The following BANK1 variants were observed in gnomAD, a reference collection of about 807,000 sequenced individuals.
BANK1 encodes B-cell scaffold protein with ankyrin repeats.
BANK1 carries 95 observed loss-of-function variants against 94.5 expected under a neutral mutation model. The observed-to-expected ratio is 1.00, with a 90% CI of 0.85 to 1.19. The LOEUF (loss-of-function observed/expected upper bound fraction) is 1.19. Among genes scored for constraint, BANK1 ranks in the 50% most tolerant of loss-of-function variants. The pLI, the probability that BANK1 is intolerant of heterozygous loss-of-function variation, is 0.00. For missense variants in BANK1, 987 were observed against 932.2 expected, an observed-to-expected ratio of 1.06 and a Z score of -0.77; for synonymous variants, 334 against 308.4, an observed-to-expected ratio of 1.08 and a Z score of -0.87.
chr4:101,923,363 A>G lies in BANK1; in HGVS notation c.1206+5174A>G, dbSNP rs188347945. On this transcript the variant is annotated intron_variant, in intron 7 of 16. Transcript: ENST00000322953. ...TATTGTTTAAAGACTATATATATATATGTGTGTGTGTGTGTGCTTTGCATT... is the reference window on the plus strand; with the variant it reads ...TATTGTTTAAAGACTATATATATATGTGTGTGTGTGTGTGTGCTTTGCATT... Among the ~76,000 whole-genome samples, 797 of 150,972 alleles carry G rather than the reference A, an allele frequency of 5.3e-3. 11 individuals carry two copies. The highest frequency in any genetic ancestry group is 0.016 in the African/African-American group (643 of 41,284).
At chr4:101,874,037 C>A (rs573065593) in intron 5 of BANK1, among the ~76,000 whole-genome samples, 1 of 152,022 alleles carries the variant, frequency 6.6e-6, no homozygotes, top group Admixed American at 6.6e-5. Context: ...GAAATGACAC[C>A]AAATAATTCT....
At chr4:101,890,821 T>A (rs1201068703) in intron 5 of BANK1, among the ~76,000 whole-genome samples, 1 of 151,524 alleles carries the variant, frequency 6.6e-6, no homozygotes, top group African/African-American at 2.4e-5. Flanking sequence ...GCACAACTTT[T>A]TAAGTTGTTG....
rs527983911 is a variant in BANK1, at chr4:102,047,474, C to G, written c.1969+3567C>G. On this transcript the variant is annotated intron_variant, in intron 11 of 16. Transcript: ENST00000322953. ...TTATCCTCCCACTGTGCCTTTAGCTCTCTCAAGAAATAAATGCAAAGCTAC... is the reference window on the plus strand; with the variant it reads ...TTATCCTCCCACTGTGCCTTTAGCTGTCTCAAGAAATAAATGCAAAGCTAC... 5.3e-5 allele frequency among the ~76,000 whole-genome samples: 8 copies of G among 152,180 alleles called. 1 individual carries two copies. The highest frequency in any genetic ancestry group is 3.9e-4 in the Admixed American group (6 of 15,272).
chr4:101,828,383 T>TTATATATATA (rs60877981), intron 1 of BANK1, among the ~76,000 whole-genome samples: 20 of 142,178 alleles, frequency 1.4e-4, no homozygotes, highest in East Asian at 1.0e-3. Flanking sequence ...ATGAGTGAAT[T>TTATATATATA]TATATATATA....
chr4:101,957,781 T>C (rs959122973), intron 7 of BANK1, among the ~76,000 whole-genome samples: 1 of 152,142 alleles, frequency 6.6e-6, no homozygotes, highest in Non-Finnish European at 1.5e-5. Context: ...CCACTCTGTG[T>C]TTGTGAAAAC....
At chr4:101,822,950 A>C (rs1726230428) in intron 1 of BANK1, among the ~76,000 whole-genome samples, 1 of 152,064 alleles carries the variant, frequency 6.6e-6, no homozygotes, top group African/African-American at 2.4e-5. Context: ...CATTGATGGT[A>C]TTTAGGTTGA....
chr4:101,959,867 A>G (rs894285076), intron 7 of BANK1, among the ~76,000 whole-genome samples: 2 of 152,220 alleles, frequency 1.3e-5, no homozygotes, highest in African/African-American at 2.4e-5. Flanking sequence ...TTAAGTTGTC[A>G]GAGAATTTAA....
chr4:101,870,443 G>T (rs1373432034), intron 4 of BANK1, 62 bp from the exon 5 acceptor site: 47 of 1,398,442 alleles, frequency 3.4e-5, no homozygotes, highest in Non-Finnish European at 4.5e-5. Context: ...TTCTCTAAAA[G>T]ATGTAATAGT....
intron 5 of BANK1, among the ~76,000 whole-genome samples, chr4:101,883,165 A>G (rs1425725674): frequency 1.3e-5 from 2 of 152,220 alleles, no homozygotes; most frequent in Admixed American, 6.5e-5. Flanking sequence ...TAGTCAAAGG[A>G]AAATAATTCC....
intron 11 of BANK1, among the ~76,000 whole-genome samples, chr4:102,051,440 GTC>G (rs1728043369): frequency 6.6e-6 from 1 of 152,134 alleles, no homozygotes; most frequent in East Asian, 1.9e-4. Context: ...CCACAGTGTT[GTC>G]TCTCAGAAAT....
intron 1 of BANK1, among the ~76,000 whole-genome samples, chr4:101,801,747 TA>T (rs1725361856): frequency 6.6e-6 from 1 of 152,274 alleles, no homozygotes; most frequent in African/African-American, 2.4e-5. Context: ...CTTTTTGTCT[TA>T]AAAACTTATA....
At chr4:101,824,122 T>G (rs1726277062) in intron 1 of BANK1, among the ~76,000 whole-genome samples, 1 of 152,230 alleles carries the variant, frequency 6.6e-6, no homozygotes, top group Non-Finnish European at 1.5e-5. Flanking sequence ...GCAGGTTGGA[T>G]AAGCTGAGTT....
At chr4:102,007,101 A>ATATATATAAATATATATATAATATATT (rs1726304958) in intron 7 of BANK1, among the ~76,000 whole-genome samples, 1 of 66,760 alleles carries the variant, frequency 1.5e-5, no homozygotes, top group Admixed American at 1.7e-4. Flanking sequence ...TAATATATTT[A>ATATATATAAATATATATATAATATATT]TATATATATA....
At chr4:102,056,146 A>C (rs1236153509) in intron 11 of BANK1, among the ~76,000 whole-genome samples, 3 of 152,196 alleles carry the variant, frequency 2.0e-5, no homozygotes, top group African/African-American at 7.2e-5. Context: ...ATCAAAAGTG[A>C]AACAGTACAA....
At chr4:101,796,701 G>T (rs967064077) in intron 1 of BANK1, among the ~76,000 whole-genome samples, 72 of 152,102 alleles carry the variant, frequency 4.7e-4, no homozygotes, top group African/African-American at 1.7e-3. Context: ...GAATTATGTA[G>T]CTATAGATTT....
intron 7 of BANK1, among the ~76,000 whole-genome samples, chr4:101,994,651 A>G (rs899465382): frequency 1.3e-5 from 2 of 152,122 alleles, no homozygotes; most frequent in Non-Finnish European, 2.9e-5. Flanking sequence ...CAACTCCCTC[A>G]TTTTGTAGAT....
At chr4:101,923,717 G>A (rs760090227) in intron 7 of BANK1, among the ~76,000 whole-genome samples, 1 of 151,848 alleles carries the variant, frequency 6.6e-6, no homozygotes, top group Non-Finnish European at 1.5e-5. Context: ...TGCATATGGT[G>A]AAAGAAATGG....
intron 5 of BANK1, among the ~76,000 whole-genome samples, chr4:101,882,947 C>A (rs991379920): frequency 6.6e-6 from 1 of 152,150 alleles, no homozygotes; most frequent in Admixed American, 6.5e-5. Flanking sequence ...ATTACTTGTT[C>A]CATATTCCTG....
intron 7 of BANK1, among the ~76,000 whole-genome samples, chr4:102,012,569 T>C (rs531398122): frequency 6.6e-6 from 1 of 152,314 alleles, no homozygotes; most frequent in Admixed American, 6.5e-5. Flanking sequence ...TTGTTTCATT[T>C]GTCAAATAAC....
Sources: allele counts gnomAD v4.1 joint callset (sites outside exome capture counted in the v4.1 genomes callset), GRCh38; gene constraint gnomAD v4.1.1; transcripts MANE v1.5; gene names NCBI Gene and HGNC (gene_info 2026-07-23, HGNC 2026-07-21).